Variants in MRPS6 observed in about 807,000 individuals in gnomAD.
MRPS6 encodes small ribosomal subunit protein bS6m.
A neutral mutation model predicts 13.1 loss-of-function variants in MRPS6; 6 were observed. The observed-to-expected ratio is 0.46, with a 90% CI of 0.25 to 0.91. The LOEUF (loss-of-function observed/expected upper bound fraction) is 0.91, where lower values mean the gene tolerates loss of function less well. MRPS6 is among the 40% of genes least tolerant of loss of function. The pLI is 0.18. For missense variants in MRPS6, 164 were observed against 155.6 expected, an observed-to-expected ratio of 1.05 and a Z score of -0.29; for synonymous variants, 61 against 56.5, an observed-to-expected ratio of 1.08 and a Z score of -0.36.
intron 1 of MRPS6, among the ~76,000 whole-genome samples, chr21:34,082,969 G>A (rs922389420): frequency 6.6e-6 from 1 of 151,944 alleles, no homozygotes; most frequent in Non-Finnish European, 1.5e-5. Context: ...GAAATTGCAA[G>A]TGAAAGCACA....
At chr21:34,108,641 A>G (rs1159283835) in intron 1 of MRPS6, among the ~76,000 whole-genome samples, 1 of 152,082 alleles carries the variant, frequency 6.6e-6, no homozygotes, top group African/African-American at 2.4e-5. Flanking sequence ...TACTGATGCA[A>G]CTCATTTTGT....
chr21:34,115,805 G>C (rs534421010), intron 1 of MRPS6, among the ~76,000 whole-genome samples: 2 of 151,960 alleles, frequency 1.3e-5, no homozygotes, highest in Admixed American at 1.3e-4. Context: ...ATTGCTCATC[G>C]TAAATCAGAG....
At chr21:34,098,633 G>A (rs1281701799) in intron 1 of MRPS6, 4 of 1,000,296 alleles carry the variant, frequency 4.0e-6, no homozygotes, top group East Asian at 1.1e-4. Flanking sequence ...AGGATGGATA[G>A]CATGTTTGAG....
Position 34,119,122 on chromosome 21 carries a change from C to T in MRPS6, c.46-6219C>T, listed in dbSNP as rs76396103. Reference sequence around the variant, plus strand: ...TCCTTAATTACCTAGAGGACTGAAACTCCTGATTCAATAAATTGTTGGGCA... The same window carrying T: ...TCCTTAATTACCTAGAGGACTGAAATTCCTGATTCAATAAATTGTTGGGCA... On this transcript the variant is annotated intron_variant, in intron 1 of 2. Transcript: ENST00000399312. 2.1e-4 allele frequency among the ~76,000 whole-genome samples: 32 copies of T among 152,246 alleles called. No homozygotes were observed. In the East Asian group the frequency reaches 5.4e-3, roughly 26 times the overall value.
intron 1 of MRPS6, chr21:34,104,990 T>C (rs1979411774): frequency 3.8e-5 from 38 of 999,222 alleles, no homozygotes; most frequent in Non-Finnish European, 4.6e-5. Context: ...AATTAGAGTT[T>C]TCTAATTTCA....
rs191296494 is a variant in MRPS6 at position 34,140,444 on chromosome 21, A to G, written c.186-1964A>G. On this transcript the variant is annotated intron_variant, in intron 2 of 2. Transcript: ENST00000399312. ...AGGCATTTTTCGAAGATTTTTGTGT[A>G]TAACTTGAATCCCTTTATGTTATAT... Among the ~76,000 whole-genome samples the G allele has an allele frequency of 1.4e-3, 210 of 152,270 alleles. 1 individual carries two copies. The highest frequency in any genetic ancestry group is 1.9e-3 in the Non-Finnish European group (126 of 68,028).
chr21:34,110,661 T>G (rs1979661201), intron 1 of MRPS6, among the ~76,000 whole-genome samples: 1 of 152,234 alleles, frequency 6.6e-6, no homozygotes, highest in African/African-American at 2.4e-5. Context: ...AAACACTGCA[T>G]GAGTGAATTC....
chr21:34,098,497 C>T, intron 1 of MRPS6: 1 of 1,000,108 alleles, frequency 1.0e-6, no homozygotes, highest in Non-Finnish European at 1.2e-6. Flanking sequence ...TCCATCTGTA[C>T]ACAGCCTCTA....
intron 1 of MRPS6, among the ~76,000 whole-genome samples, chr21:34,079,602 ATTTTTTTTTTTTTTTT>A (rs398036389): frequency 2.3e-5 from 1 of 43,658 alleles, no homozygotes; most frequent in Non-Finnish European, 4.3e-5. Context: ...GACCCAGCTA[ATTTTTTTTTTTTTTTT>A]TTTTTTTTTT....
intron 1 of MRPS6, chr21:34,123,401 ACC>A (rs1170384554): frequency 1.4e-4 from 22 of 152,238 alleles, no homozygotes; most frequent in Admixed American, 6.5e-4. Flanking sequence ...GGAGATGTGC[ACC>A]TTGTCTTTGC....
Position 34,112,230 on chromosome 21 carries a change from T to C in MRPS6, c.46-13111T>C, listed in dbSNP as rs578060395. ...TATTCTTTGACTAGTCATCAAACATTTATTGAACGTGTATTGTAAGCCAAG... is the reference window on the plus strand; with the variant it reads ...TATTCTTTGACTAGTCATCAAACATCTATTGAACGTGTATTGTAAGCCAAG... On this transcript the variant is annotated intron_variant, in intron 1 of 2. Transcript: ENST00000399312. Among the ~76,000 whole-genome samples, 4 of 152,316 alleles carry C rather than the reference T, an allele frequency of 2.6e-5. No individual in the cohort carries two copies. In the South Asian group the frequency reaches 8.3e-4, roughly 32 times the overall value.
chr21:34,097,551 G>T, intron 1 of MRPS6: 1 of 1,376,806 alleles, frequency 7.3e-7, no homozygotes, highest in Admixed American at 3.5e-5. Context: ...CTTAAGTGAA[G>T]CCAAACCTAA....
intron 1 of MRPS6, chr21:34,097,113 A>T: frequency 6.2e-7 from 1 of 1,611,430 alleles, no homozygotes; most frequent in Non-Finnish European, 8.5e-7. Context: ...AGCAGCTCTC[A>T]TGGGTGAGAA....
chr21:34,097,409 G>A (rs200554184), intron 1 of MRPS6: 7 of 1,502,438 alleles, frequency 4.7e-6, no homozygotes, highest in African/African-American at 2.8e-5. Context: ...GGTCTTTGGG[G>A]AAAAAAGTTA....
At chr21:34,103,173 T>A in intron 1 of MRPS6, 2 of 1,000,110 alleles carry the variant, frequency 2.0e-6, no homozygotes, top group South Asian at 4.7e-5. Flanking sequence ...TTCCATAATA[T>A]AACCAGCTTT....
chr21:34,123,926 T>A (rs1372042082), intron 1 of MRPS6: 1 of 152,180 alleles, frequency 6.6e-6, no homozygotes, highest in Non-Finnish European at 1.5e-5. Flanking sequence ...CCGATTTTCC[T>A]TGTCCTATTT....
chr21:34,135,900 A>T (rs1450429859), intron 2 of MRPS6: 1 of 503,178 alleles, frequency 2.0e-6, no homozygotes, highest in Non-Finnish European at 3.7e-6. Flanking sequence ...CTGCATTGTG[A>T]GGCAGGTACT....
At chr21:34,115,856 A>T (rs945028972) in intron 1 of MRPS6, among the ~76,000 whole-genome samples, 1 of 151,968 alleles carries the variant, frequency 6.6e-6, no homozygotes, top group African/African-American at 2.4e-5. Context: ...TTGTTTTGCT[A>T]CCTAGGGAAG....
chr21:34,113,405 C>T (rs953958823), intron 1 of MRPS6, among the ~76,000 whole-genome samples: 3 of 152,142 alleles, frequency 2.0e-5, no homozygotes, highest in African/African-American at 7.2e-5. Flanking sequence ...AAAGGAAATC[C>T]TGTGCAACAA....
Sources: gnomAD v4.1 joint callset for allele counts (sites outside exome capture counted in the v4.1 genomes callset) on GRCh38, gnomAD v4.1.1 for gene constraint, MANE v1.5 for transcripts, NCBI Gene and HGNC (gene_info 2026-07-23, HGNC 2026-07-21) for gene names.